The following PTPN4 variants were observed in gnomAD, a reference collection of about 807,000 sequenced individuals.
The protein encoded by PTPN4 is tyrosine-protein phosphatase non-receptor type 4.
Under a neutral mutation model 135.5 loss-of-function variants are expected in PTPN4, and 49 were observed. That is an observed-to-expected ratio of 0.36 (90% confidence interval 0.29 to 0.46). The LOEUF is 0.46. Among genes scored for constraint, PTPN4 ranks in the 20% least tolerant of loss-of-function variants. The pLI, the probability that PTPN4 is intolerant of heterozygous loss-of-function variation, is 1.00. For missense variants in PTPN4, 860 were observed against 1,101.0 expected, an observed-to-expected ratio of 0.78 and a Z score of 3.10; for synonymous variants, 333 against 369.9, an observed-to-expected ratio of 0.90 and a Z score of 1.14.
At position 119,956,741 on chromosome 2, in the gene PTPN4, G is replaced by A; in HGVS notation, c.1981-103G>A. 4 of 1,557,080 alleles carry A rather than the reference G, an allele frequency of 2.6e-6. No individual in the cohort carries two copies. In the South Asian group the frequency reaches 3.7e-5, roughly 14 times the overall value. On this transcript the variant is annotated intron_variant, in intron 20 of 26. Transcript: ENST00000263708. ...CATTGTATAGATGACCTATTCAAAG[G>A]CAAAGAAACCTGTTTCCTGTTAGTG...
At chr2:119,918,234 A>G (rs1402644430) in intron 11 of PTPN4, among the ~76,000 whole-genome samples, 1 of 152,220 alleles carries the variant, frequency 6.6e-6, no homozygotes, top group Non-Finnish European at 1.5e-5. Context: ...ATGGGCATTT[A>G]TTTGTGTATT....
intron 26 of PTPN4, among the ~76,000 whole-genome samples, chr2:119,976,326 TC>T (rs1574429517): frequency 6.6e-6 from 1 of 152,142 alleles, no homozygotes; most frequent in East Asian, 1.9e-4. Context: ...AATTTATTCT[TC>T]CATTGCTTTT....
chr2:119,783,031 GCAT>G (rs1162146663), intron 1 of PTPN4, among the ~76,000 whole-genome samples: 4 of 150,696 alleles, frequency 2.7e-5, no homozygotes, highest in African/African-American at 9.8e-5. Flanking sequence ...CCAGATGAGT[GCAT>G]CATAGTAACA....
chr2:119,891,474 C>A (rs1044299090), intron 9 of PTPN4, among the ~76,000 whole-genome samples: 2 of 152,142 alleles, frequency 1.3e-5, no homozygotes, highest in Non-Finnish European at 2.9e-5. Context: ...TGGCGCACGC[C>A]ACCATGCCTG....
At chr2:119,969,201 G>A (rs905299672) in intron 26 of PTPN4, among the ~76,000 whole-genome samples, 7 of 151,910 alleles carry the variant, frequency 4.6e-5, no homozygotes, top group Non-Finnish European at 7.4e-5. Context: ...TTTGTAGAGA[G>A]GGGATCTCAC....
chr2:119,915,350 G>A, intron 11 of PTPN4, 108 bp downstream of exon 11: 1 of 827,836 alleles, frequency 1.2e-6, no homozygotes, highest in East Asian at 3.1e-5. Context: ...AATTAATACT[G>A]TGGATAACTG....
chr2:119,972,155 G>A (rs1679543253), intron 26 of PTPN4, among the ~76,000 whole-genome samples: 1 of 120,178 alleles, frequency 8.3e-6, no homozygotes, highest in Admixed American at 1.0e-4. Context: ...TTTTGAATAA[G>A]TTTATTCTTT....
chr2:119,784,235 C>T (rs1252196449), intron 1 of PTPN4, among the ~76,000 whole-genome samples: 1 of 151,626 alleles, frequency 6.6e-6, no homozygotes, highest in African/African-American at 2.4e-5. Context: ...TTCCCCCACC[C>T]CTCCTTCCCC....
chr2:119,904,317 A>G (rs1303153518), intron 10 of PTPN4, among the ~76,000 whole-genome samples: 2 of 152,178 alleles, frequency 1.3e-5, no homozygotes, highest in African/African-American at 4.8e-5. Flanking sequence ...TTAAGCAGTA[A>G]CAATAATTTC....
rs749332849 is a variant in PTPN4 at position 119,965,560 on chromosome 2, G to A, written c.2473G>A (p.Asp825Asn). 6.2e-7 allele frequency: 1 copy of A among 1,613,670 alleles called. No individual in the cohort carries two copies. The highest frequency in any genetic ancestry group is 1.7e-5 in the Admixed American group (1 of 60,024). The change falls in exon 25 of 27, where the codon GAT (aspartate) becomes AAT (asparagine). Residue 825 changes from aspartate (D) to asparagine (N), a missense_variant. By Grantham distance (23) the Asp-to-Asn change is conservative (BLOSUM62 1). Transcript: ENST00000263708. Reference protein sequence around the residue: ...YIAWPDHGVPDDSSDFLDFVC... With the variant: ...YIAWPDHGVPNDSSDFLDFVC... ...AGCCTGGCCTGACCATGGAGTCCCT[G>A]ATGATTCGAGTGACTTTCTAGATTT...
intron 26 of PTPN4, among the ~76,000 whole-genome samples, chr2:119,968,627 T>G (rs1172666904): frequency 2.0e-5 from 3 of 151,974 alleles, no homozygotes; most frequent in Admixed American, 2.0e-4. Flanking sequence ...CCGTCTCTAC[T>G]AAAAATGCAA....
chr2:119,769,577 C>A (rs1367556079), intron 1 of PTPN4, among the ~76,000 whole-genome samples: 1 of 152,050 alleles, frequency 6.6e-6, no homozygotes, highest in Non-Finnish European at 1.5e-5. Flanking sequence ...TTGAGGAAAC[C>A]AAGTGTACAA....
At chr2:119,947,568 A>G (rs1679153632) in intron 18 of PTPN4, among the ~76,000 whole-genome samples, 1 of 152,154 alleles carries the variant, frequency 6.6e-6, no homozygotes, top group Non-Finnish European at 1.5e-5. Context: ...ACACCTCTAC[A>G]GGAAACTTTT....
At chr2:119,879,184 A>T (rs1678033025) in intron 5 of PTPN4, among the ~76,000 whole-genome samples, 1 of 152,218 alleles carries the variant, frequency 6.6e-6, no homozygotes, top group Admixed American at 6.5e-5. Flanking sequence ...TGTCAGTTAA[A>T]ACTATGTTTA....
At chr2:119,764,490 G>T (rs1309395932) in intron 1 of PTPN4, among the ~76,000 whole-genome samples, 1 of 152,116 alleles carries the variant, frequency 6.6e-6, no homozygotes, top group Non-Finnish European at 1.5e-5. Flanking sequence ...TCCAATTCAT[G>T]TGCCTCCTCT....
chr2:119,925,017 A>G (rs919174847), intron 12 of PTPN4, among the ~76,000 whole-genome samples: 9 of 151,948 alleles, frequency 5.9e-5, no homozygotes, highest in African/African-American at 1.5e-4. Context: ...GAGTCCACAA[A>G]CTACACCTGC....
chr2:119,976,918 TG>T (rs764244057), intron 26 of PTPN4, 65 bp from the exon 27 acceptor site: 18 of 1,549,694 alleles, frequency 1.2e-5, no homozygotes, highest in Non-Finnish European at 1.6e-5. Flanking sequence ...TTGTCTTTTT[TG>T]GGGGGAGAGG....
chr2:119,776,199 A>T (rs1455147487), intron 1 of PTPN4, among the ~76,000 whole-genome samples: 1 of 152,158 alleles, frequency 6.6e-6, no homozygotes, highest in Non-Finnish European at 1.5e-5. Flanking sequence ...TTTTTGAGAC[A>T]GAGTCTCAGT....
chr2:119,762,582 G>C (rs1690527995), intron 1 of PTPN4, among the ~76,000 whole-genome samples: 2 of 152,038 alleles, frequency 1.3e-5, no homozygotes, highest in African/African-American at 4.8e-5. Context: ...GTTTGTTATT[G>C]AGAGTACTTC....
Sources: allele counts gnomAD v4.1 joint callset (sites outside exome capture counted in the v4.1 genomes callset), GRCh38; gene constraint gnomAD v4.1.1; transcripts MANE v1.5; gene names NCBI Gene and HGNC (gene_info 2026-07-23, HGNC 2026-07-21).